CASC3: variants seen among roughly 807,000 people sequenced by gnomAD.
CASC3 encodes the protein CASC3 exon junction complex subunit, also known as protein CASC3.
A neutral mutation model predicts 80.5 loss-of-function variants in CASC3; 30 were observed. The observed-to-expected ratio is 0.37, with a 90% CI of 0.28 to 0.51. The LOEUF (loss-of-function observed/expected upper bound fraction) is 0.51, where lower values mean the gene tolerates loss of function less well. Among genes scored for constraint, CASC3 ranks in the 20% least tolerant of loss-of-function variants. The pLI, the probability that CASC3 is intolerant of heterozygous loss-of-function variation, is 0.94. For missense variants in CASC3, 824 were observed against 922.2 expected, an observed-to-expected ratio of 0.89 and a Z score of 1.38; for synonymous variants, 312 against 333.6, an observed-to-expected ratio of 0.94 and a Z score of 0.70.
Position 40,141,709 on chromosome 17 carries a change from T to G in CASC3, c.297+102T>G, listed in dbSNP as rs1045577068. The G allele has an allele frequency of 4.7e-6, 4 of 846,170 alleles. No individual in the cohort carries two copies. The African/African-American group carries it at 5.1e-5, about 11-fold the overall frequency. 52.4% of individuals were successfully genotyped at this position (846,170 alleles called of 1,614,324 possible). A position where few individuals can be genotyped will look rare whatever the true frequency, so the allele number is the denominator to read the frequency against. On this transcript the variant is annotated intron_variant, in intron 3 of 13. Transcript: ENST00000264645. ...CGTACCATGACCTCCGTGTTTATCCTCTTGTGTATTCTTCATTTATGCTTC... is the reference window on the plus strand; with the variant it reads ...CGTACCATGACCTCCGTGTTTATCCGCTTGTGTATTCTTCATTTATGCTTC...
At chr17:40,141,151 G>T in intron 1 of CASC3, 56 bp from the exon 2 acceptor site, 2 of 1,523,322 alleles carry the variant, frequency 1.3e-6, no homozygotes, top group South Asian at 1.1e-5. Context: ...TTTCTTTATT[G>T]GGCTCCCCAC....
chr17:40,169,049 T>G, intron 11 of CASC3: 1 of 354,240 alleles, frequency 2.8e-6, no homozygotes. Flanking sequence ...CAAGTATCTG[T>G]AGTGTCGCTA....
Position 40,141,270 on chromosome 17 carries a change from T to G in CASC3, c.259+36T>G, listed in dbSNP as rs368402142. 5.0e-6 allele frequency: 8 copies of G among 1,590,106 alleles called. No homozygotes were observed. In the African/African-American group the frequency reaches 5.4e-5, roughly 11 times the overall value. ...TCTTTTACCCCATTAGGACAAGAGTTTTTTTTAACATAAACTCAGGTCATC... is the reference window on the plus strand; with the variant it reads ...TCTTTTACCCCATTAGGACAAGAGTGTTTTTTAACATAAACTCAGGTCATC... On this transcript the variant is annotated intron_variant, in intron 2 of 13. Transcript: ENST00000264645.
chr17:40,167,520 A>C lies in CASC3; in HGVS notation c.1559A>C (p.Lys520Thr). ...CAGGGTGTCCAGGGTGGTCGAGCCAAACGCTATTCATCCCAGCGGCAAAGA... is the reference window on the plus strand; with the variant it reads ...CAGGGTGTCCAGGGTGGTCGAGCCACACGCTATTCATCCCAGCGGCAAAGA... Reference protein sequence around the residue: ...EEMGVQGGRAKRYSSQRQRPV... With the variant: ...EEMGVQGGRATRYSSQRQRPV... Residue 520 changes from lysine to threonine, a missense_variant, in exon 9 of 14, where the codon AAA becomes ACA. Coordinates refer to ENST00000264645, the MANE Select transcript of CASC3 (RefSeq NM_007359.5). 6.2e-7 allele frequency: 1 copy of C among 1,614,062 alleles called. No homozygotes were observed. Among genetic ancestry groups the C allele is most frequent in the Non-Finnish European group, 8.5e-7 (1 of 1,179,990 alleles).
intron 6 of CASC3, among the ~76,000 whole-genome samples, 199 bp from the exon 7 acceptor site, chr17:40,163,282 G>A (rs1422029025): frequency 6.6e-6 from 1 of 151,910 alleles, no homozygotes; most frequent in Admixed American, 6.6e-5. Flanking sequence ...TTACAGGCGC[G>A]TACTATCGCG....
intron 3 of CASC3, among the ~76,000 whole-genome samples, chr17:40,147,683 A>T (rs1305325272): frequency 6.6e-6 from 1 of 152,124 alleles, no homozygotes; most frequent in Non-Finnish European, 1.5e-5. Flanking sequence ...GTGCAGGTTG[A>T]TGAATGGTGT....
intron 3 of CASC3, among the ~76,000 whole-genome samples, chr17:40,146,642 G>A (rs1416203829): frequency 1.3e-5 from 2 of 151,190 alleles, no homozygotes; most frequent in Admixed American, 1.3e-4. Context: ...GTTTCATCAT[G>A]TTGGACAGGC....
chr17:40,154,040 C>G (rs75141138), intron 3 of CASC3, among the ~76,000 whole-genome samples: 2,242 of 150,196 alleles, frequency 0.015, 78 homozygotes, highest in African/African-American at 0.052. Flanking sequence ...TTCTAGATGT[C>G]CTATTAGGTA....
At chr17:40,168,930 C>T (rs1989522231) in intron 11 of CASC3, 2 of 199,296 alleles carry the variant, frequency 1.0e-5, no homozygotes, top group South Asian at 1.8e-4. Context: ...TGTTGTGGTA[C>T]ATCATAGGTG....
Position 40,140,560 on chromosome 17 carries a change from G to T in CASC3, c.12G>T (p.Arg4=). 1 of 1,607,902 alleles carries T rather than the reference G, an allele frequency of 6.2e-7. No homozygotes were observed. Among genetic ancestry groups the T allele is most frequent in the South Asian group, 1.1e-5 (1 of 91,074 alleles). MAD[R]RRQRASQDTE... Reference sequence around the variant, plus strand: ...CCGTTCTCCGTAAGATGGCGGACCGGCGGCGGCAGCGCGCTTCGCAAGACA... The same window carrying T: ...CCGTTCTCCGTAAGATGGCGGACCGTCGGCGGCAGCGCGCTTCGCAAGACA... Residue 4 remains arginine, a synonymous_variant, in exon 1 of 14, where the codon CGG becomes CGT. Coordinates refer to ENST00000264645, the MANE Select transcript of CASC3 (RefSeq NM_007359.5).
chr17:40,154,202 A>C (rs1441681622), intron 3 of CASC3, among the ~76,000 whole-genome samples: 1 of 150,634 alleles, frequency 6.6e-6, no homozygotes, highest in African/African-American at 2.5e-5. Context: ...TTAAAAATTA[A>C]TTTTTAATTA....
In CASC3 at chr17:40,140,558, C is replaced by A. The variant is rs1054036678; in HGVS notation, c.10C>A (p.Arg4=). The A allele has an allele frequency of 1.9e-6, 3 of 1,607,672 alleles. No individual in the cohort carries two copies. Among genetic ancestry groups the A allele is most frequent in the Non-Finnish European group, 2.5e-6 (3 of 1,179,604 alleles). The change falls in exon 1 of 14, where the codon CGG becomes AGG. Residue 4 remains arginine, a synonymous_variant. Transcript: ENST00000264645. MAD[R]RRQRASQDTE... ...GGCCGTTCTCCGTAAGATGGCGGACCGGCGGCGGCAGCGCGCTTCGCAAGA... is the reference window on the plus strand; with the variant it reads ...GGCCGTTCTCCGTAAGATGGCGGACAGGCGGCGGCAGCGCGCTTCGCAAGA...
chr17:40,143,828 C>CA (rs922504213), intron 3 of CASC3, among the ~76,000 whole-genome samples: 2 of 147,662 alleles, frequency 1.4e-5, no homozygotes, highest in East Asian at 2.0e-4. Context: ...GACTCCATCT[C>CA]AAAAAAAAAG....
chr17:40,156,471 G>C (rs989223134), intron 3 of CASC3, among the ~76,000 whole-genome samples: 2 of 152,058 alleles, frequency 1.3e-5, no homozygotes, highest in African/African-American at 4.8e-5. Flanking sequence ...CGGATCATGA[G>C]GTCAGGAGAT....
At chr17:40,162,263 T>C in intron 5 of CASC3, 110 bp downstream of exon 5, 2 of 1,171,884 alleles carry the variant, frequency 1.7e-6, no homozygotes, top group Non-Finnish European at 1.2e-6. Flanking sequence ...ATAAGTATTA[T>C]GATTATCCTT....
chr17:40,141,545 TCCACA>T lies in CASC3; in HGVS notation c.260-24_260-20del. ...AAAAATGTTTCTGGGTTTCTTTTTT[TCCACA>T]TATTTCTGTTTTATTTCAGCTGTTC... On this transcript the variant is annotated intron_variant, in intron 2 of 13. Coordinates refer to ENST00000264645, the MANE Select transcript of CASC3 (RefSeq NM_007359.5). The T allele has an allele frequency of 1.2e-6, 2 of 1,610,220 alleles. No individual in the cohort carries two copies. The highest frequency in any genetic ancestry group is 1.7e-5 in the Admixed American group (1 of 59,560).
At chr17:40,160,813 C>T (rs1327608231) in intron 3 of CASC3, among the ~76,000 whole-genome samples, 4 of 151,730 alleles carry the variant, frequency 2.6e-5, no homozygotes, top group African/African-American at 4.8e-5. Flanking sequence ...TCAAGTGATA[C>T]GCCTGCCTCG....
intron 10 of CASC3, 64 bp from the exon 11 acceptor site, chr17:40,168,139 A>C: frequency 6.8e-7 from 1 of 1,473,764 alleles, no homozygotes; most frequent in Admixed American, 1.7e-5. Context: ...TGAGCAGTCC[A>C]GCCGGGCCAT....
chr17:40,160,509 A>G (rs1245571063), intron 3 of CASC3, among the ~76,000 whole-genome samples: 2 of 152,118 alleles, frequency 1.3e-5, no homozygotes, highest in Non-Finnish European at 1.5e-5. Context: ...AAAAAAAAAA[A>G]AGATAATTCA....
Sources: allele counts gnomAD v4.1 joint callset (sites outside exome capture counted in the v4.1 genomes callset), GRCh38; gene constraint gnomAD v4.1.1; transcripts MANE v1.5; gene names NCBI Gene and HGNC (gene_info 2026-07-23, HGNC 2026-07-21).